The following CFAP69 variants were observed in gnomAD, a reference collection of about 807,000 sequenced individuals.
The protein encoded by CFAP69 is cilia and flagella associated protein 69, also known as cilia- and flagella-associated protein 69.
CFAP69 carries 92 observed loss-of-function variants against 123.0 expected under a neutral mutation model. That is an observed-to-expected ratio of 0.75 (90% CI 0.63 to 0.89). The LOEUF is 0.89. Ranked by LOEUF, CFAP69 falls within the 40% of genes least tolerant of loss-of-function variation. The pLI, the probability that CFAP69 is intolerant of heterozygous loss-of-function variation, is 0.00. For missense variants in CFAP69, 1,067 were observed against 1,096.9 expected, an observed-to-expected ratio of 0.97 and a Z score of 0.39; for synonymous variants, 380 against 364.3, an observed-to-expected ratio of 1.04 and a Z score of -0.49.
intron 1 of CFAP69, among the ~76,000 whole-genome samples, chr7:90,251,015 G>T (rs1367046036): frequency 6.6e-6 from 1 of 151,802 alleles, no homozygotes; most frequent in Non-Finnish European, 1.5e-5. Context: ...CCTATTCAAG[G>T]CCCAAAGTTA....
chr7:90,310,331 G>C lies in CFAP69; in HGVS notation c.*93G>C, dbSNP rs928246322. The C allele has an allele frequency of 1.9e-5, 12 of 638,234 alleles. No individual in the cohort carries two copies. Among genetic ancestry groups the C allele is most frequent in the Admixed American group, 4.2e-5 (1 of 23,958 alleles). The allele number at this position is 638,234 out of a possible 1,614,324, so 39.5% of individuals were successfully genotyped here. The stretch of plus-strand genomic sequence containing the variant: ...ATGTAAAGCCAATATTTTAGAATAA[G>C]TATTTTAGTATAAATATTTTAGTAA... On this transcript the variant is annotated 3_prime_UTR_variant, in exon 23 of 23. Coordinates refer to ENST00000389297, the MANE Select transcript of CFAP69 (RefSeq NM_001039706.3).
intron 4 of CFAP69, among the ~76,000 whole-genome samples, chr7:90,264,779 A>G (rs1052488520): frequency 2.0e-5 from 3 of 151,942 alleles, no homozygotes; most frequent in African/African-American, 7.2e-5. Flanking sequence ...TGGTCAGTTC[A>G]TTAGAAACAT....
At position 90,288,625 on chromosome 7, in the gene CFAP69, A is replaced by C. The variant is rs544782381; in HGVS notation, c.1775+273A>C. Among the ~76,000 whole-genome samples the C allele has an allele frequency of 3.9e-5, 6 of 152,294 alleles. No homozygotes were observed. The South Asian group carries it at 1.2e-3, about 32-fold the overall frequency. On this transcript the variant is annotated intron_variant, in intron 15 of 22. Transcript: ENST00000389297. ...AAGTATTGTGTATCTAAACATACCTAAACATTAAAAAAGGTACAGTAAGAC... is the reference window on the plus strand; with the variant it reads ...AAGTATTGTGTATCTAAACATACCTCAACATTAAAAAAGGTACAGTAAGAC...
At chr7:90,263,739 C>T (rs78811682) in intron 4 of CFAP69, among the ~76,000 whole-genome samples, 2,989 of 152,008 alleles carry the variant, frequency 0.02, 97 homozygotes, top group East Asian at 0.11. Context: ...GCTATTGATA[C>T]ATCCTCATGT....
chr7:90,254,959 C>T (rs1476361159), intron 1 of CFAP69, among the ~76,000 whole-genome samples: 2 of 152,026 alleles, frequency 1.3e-5, no homozygotes, highest in African/African-American at 2.4e-5. Context: ...ATCTGTAGAA[C>T]TTGGAGGTTC....
chr7:90,304,579 C>T (rs1173083176), intron 18 of CFAP69, 165 bp from the exon 19 acceptor site: 2 of 1,393,996 alleles, frequency 1.4e-6, no homozygotes, highest in Non-Finnish European at 9.3e-7. Flanking sequence ...AAGCTACTCA[C>T]AGAATTAACT....
At chr7:90,263,428 G>T (rs1440641879) in intron 4 of CFAP69, among the ~76,000 whole-genome samples, 2 of 152,074 alleles carry the variant, frequency 1.3e-5, no homozygotes, top group Non-Finnish European at 2.9e-5. Context: ...TTTTCTCATG[G>T]CATTAGAAGT....
intron 21 of CFAP69, among the ~76,000 whole-genome samples, chr7:90,308,093 T>C (rs1793871300): frequency 6.6e-6 from 1 of 152,190 alleles, no homozygotes; most frequent in Non-Finnish European, 1.5e-5. Context: ...GTTCTTGACC[T>C]ACATAAAGAA....
At chr7:90,285,685 A>T (rs1790168406) in intron 13 of CFAP69, among the ~76,000 whole-genome samples, 3 of 152,196 alleles carry the variant, frequency 2.0e-5, no homozygotes, top group Non-Finnish European at 4.4e-5. Flanking sequence ...CCTGTTAACC[A>T]TGAGGAGAGG....
In CFAP69 at chr7:90,286,162, A is replaced by C; in HGVS notation, c.1538-119A>C. 3.9e-6 allele frequency: 3 copies of C among 762,160 alleles called. No individual in the cohort carries two copies. The South Asian group carries it at 7.1e-5, about 18-fold the overall frequency. 47.2% of individuals were successfully genotyped at this position (762,160 alleles called of 1,614,324 possible). On this transcript the variant is annotated intron_variant, in intron 13 of 22. Transcript: ENST00000389297. ...TTATAACAAATAAAAATAAATAAGT[A>C]AATAAAATAAAAGTTTCTCTAGCCA...
intron 17 of CFAP69, chr7:90,301,533 A>G (rs1159706305): frequency 6.6e-6 from 1 of 152,112 alleles, no homozygotes; most frequent in Non-Finnish European, 1.5e-5. Flanking sequence ...CCATGTGTCC[A>G]TGAATTCTCA....
chr7:90,284,831 T>C (rs1048317850), intron 13 of CFAP69, among the ~76,000 whole-genome samples: 2 of 152,136 alleles, frequency 1.3e-5, no homozygotes, highest in Non-Finnish European at 2.9e-5. Context: ...ATAGGTTAAT[T>C]GTATAGTCAG....
At chr7:90,282,743 G>A (rs28947507) in intron 12 of CFAP69, 149 bp from the exon 13 acceptor site, 1 of 537,834 alleles carries the variant, frequency 1.9e-6, no homozygotes. Flanking sequence ...GAGGGAAAAG[G>A]GATAATATTT....
chr7:90,312,722 C>T (rs895554981), downstream of CFAP69: 4 of 152,166 alleles, frequency 2.6e-5, no homozygotes, highest in African/African-American at 9.7e-5. Context: ...CTCACACCAC[C>T]CCTGAGCCCT....
intron 11 of CFAP69, 59 bp downstream of exon 11, chr7:90,277,393 A>G (rs1788776565): frequency 7.7e-7 from 1 of 1,296,976 alleles, no homozygotes; most frequent in South Asian, 2.0e-5. Context: ...TAGTATAACT[A>G]TTTTAAAGTC....
intron 1 of CFAP69, 57 bp from the exon 2 acceptor site, chr7:90,255,362 TTAGA>T: frequency 7.7e-7 from 1 of 1,303,122 alleles, no homozygotes; most frequent in Non-Finnish European, 1.1e-6. Context: ...AATTAGTGTG[TTAGA>T]TATGACTTAT....
chr7:90,323,519 C>T, the CFAP69 span, among the ~76,000 whole-genome samples: 24 of 152,080 alleles, frequency 1.6e-4, no homozygotes, highest in African/African-American at 5.6e-4. Context: ...GGTAAAATTT[C>T]TCAGGCAATT....
Position 90,274,106 on chromosome 7 carries a change from T to C in CFAP69, c.980T>C (p.Met327Thr). ...ATAGCTCAAAATCCTGAAGCACCAATGATTGTAAGTATGAATCAAATTGCA... is the reference window on the plus strand; with the variant it reads ...ATAGCTCAAAATCCTGAAGCACCAACGATTGTAAGTATGAATCAAATTGCA... The part of the protein sequence containing the change: ...TIIAQNPEAP[M>T]IECGFTKDLI... The change falls in exon 9 of 23, where the codon ATG becomes ACG. Residue 327 changes from methionine (M) to threonine (T), a missense_variant. By Grantham distance (81) the Met-to-Thr change is moderately conservative (BLOSUM62 -1). Coordinates refer to ENST00000389297, the MANE Select transcript of CFAP69 (RefSeq NM_001039706.3). The C allele has an allele frequency of 6.3e-7, 1 of 1,593,788 alleles. No homozygotes were observed. Among genetic ancestry groups the C allele is most frequent in the Non-Finnish European group, 8.5e-7 (1 of 1,173,732 alleles).
At position 90,304,073 on chromosome 7, in the gene CFAP69, A is replaced by C; in HGVS notation, c.2155A>C (p.Arg719=). ...GGTTATGGATGTTTCTGAGAATATTAGAGCAAAAATTTATGCTATATTGGG... is the reference window on the plus strand; with the variant it reads ...GGTTATGGATGTTTCTGAGAATATTCGAGCAAAAATTTATGCTATATTGGG... ...IAVMDVSENI[R]AKIYAILGKL... The change falls in exon 18 of 23, where the codon AGA becomes CGA. Residue 719 remains arginine, a synonymous_variant. Transcript: ENST00000389297. 1.3e-6 allele frequency: 2 copies of C among 1,550,978 alleles called. No individual in the cohort carries two copies. The highest frequency in any genetic ancestry group is 1.7e-6 in the Non-Finnish European group (2 of 1,146,578).
Sources: allele counts gnomAD v4.1 joint callset (sites outside exome capture counted in the v4.1 genomes callset), GRCh38; gene constraint gnomAD v4.1.1; transcripts MANE v1.5; gene names NCBI Gene and HGNC (gene_info 2026-07-23, HGNC 2026-07-21).